SSUH2: variants seen among roughly 807,000 people sequenced by gnomAD.
The protein encoded by SSUH2 is protein SSUH2 homolog.
SSUH2 carries 47 observed loss-of-function variants against 55.3 expected under a neutral mutation model. The ratio of observed to expected loss-of-function variants is 0.85; its 90% CI spans 0.67 to 1.08. The LOEUF (loss-of-function observed/expected upper bound fraction) is 1.08. SSUH2 is among the 50% of genes least tolerant of loss of function. SSUH2 has a pLI of 0.00. For missense variants in SSUH2, 535 were observed against 490.7 expected (o/e 1.09, Z -0.85); for synonymous variants, 212 against 191.5 (o/e 1.11, Z -0.89).
At chr3:8,677,788 C>T (rs1048316194) in intron 2 of SSUH2, among the ~76,000 whole-genome samples, 4 of 150,570 alleles carry the variant, frequency 2.7e-5, no homozygotes, top group African/African-American at 4.9e-5. Flanking sequence ...AACATAAAGG[C>T]CCCCCATGCT....
At chr3:8,635,591 G>A (rs1300422030) in intron 2 of SSUH2, among the ~76,000 whole-genome samples, 168 bp downstream of exon 2, 1 of 152,222 alleles carries the variant, frequency 6.6e-6, no homozygotes, top group African/African-American at 2.4e-5. Flanking sequence ...TAGACAGAAG[G>A]CCTATGCCCC....
At chr3:8,625,719 CA>C in intron 9 of SSUH2, 72 bp from the exon 10 acceptor site, 1 of 1,083,458 alleles carries the variant, frequency 9.2e-7, no homozygotes, top group Non-Finnish European at 1.4e-6. Context: ...TGCAATCAGA[CA>C]GACCTGGGGT....
intron 10 of SSUH2, 149 bp from the exon 11 acceptor site, chr3:8,623,805 C>T: frequency 1.8e-6 from 1 of 568,518 alleles, no homozygotes; most frequent in Non-Finnish European, 3.1e-6. Flanking sequence ...ATTTCAAAAA[C>T]AGGAAAACAG....
Position 8,626,294 on chromosome 3 carries a change from G to A in SSUH2, c.702C>T (p.Asn234=). ...RRCSTCSGRG[N]KTCATCKGEK... is the part of the protein sequence containing the mutation. Reference sequence around the variant, plus strand: ...CCCCCTTGCAGGTGGCGCAGGTCTTGTTCCCTCTCCCTGAGCAAGTGCTGC... The same window carrying A: ...CCCCCTTGCAGGTGGCGCAGGTCTTATTCCCTCTCCCTGAGCAAGTGCTGC... Residue 234 remains asparagine (N), a synonymous_variant, in exon 9 of 12, where the codon AAC becomes AAT. Transcript: ENST00000544814. 1 of 1,614,106 alleles carries A rather than the reference G, an allele frequency of 6.2e-7. No homozygotes were observed. The highest frequency in any genetic ancestry group is 1.1e-5 in the South Asian group (1 of 91,058).
intron 7 of SSUH2, among the ~76,000 whole-genome samples, chr3:8,628,998 G>A (rs1316213962): frequency 1.3e-5 from 2 of 152,206 alleles, no homozygotes; most frequent in African/African-American, 2.4e-5. Context: ...TGGGACTACA[G>A]GCGCCCGCCA....
At chr3:8,650,895 G>T (rs528206235) in intron 7 of SSUH2, among the ~76,000 whole-genome samples, 2 of 152,198 alleles carry the variant, frequency 1.3e-5, no homozygotes, top group African/African-American at 4.8e-5. Context: ...CTGTGGTTCC[G>T]GCTGCTGTCC....
intron 11 of SSUH2, among the ~76,000 whole-genome samples, chr3:8,622,035 G>A (rs899052599): frequency 2.0e-5 from 3 of 151,680 alleles, no homozygotes; most frequent in Non-Finnish European, 4.4e-5. Flanking sequence ...TGGTCATCAC[G>A]TAATTGGCTG....
rs1384693370 is a variant in SSUH2, at chr3:8,679,140, C to G, written c.-901+565G>C. On this transcript the variant is annotated intron_variant, in intron 2 of 18. Coordinates refer to the SSUH2 transcript ENST00000317371. ...GGACCCAAATTGCGGGGGGGAGGCA[C>G]CCCCGCGAGGCGGGGACTGAGAGGC... is the stretch of plus-strand genomic sequence containing the variant. Among the ~76,000 whole-genome samples the G allele has an allele frequency of 4.6e-4, 43 of 94,412 alleles. 15 individuals carry two copies. Among genetic ancestry groups the G allele is most frequent in the Admixed American group, 1.6e-3 (16 of 10,134 alleles). 61.9% of individuals were successfully genotyped at this position (94,412 alleles called of 152,430 possible).
chr3:8,623,570 G>C lies in SSUH2; in HGVS notation c.960C>G (p.Ser320=). 1 of 1,550,768 alleles carries C rather than the reference G, an allele frequency of 6.4e-7. No individual in the cohort carries two copies. Residue 320 remains serine (S), a synonymous_variant, in exon 11 of 12, where the codon TCC becomes TCG. Coordinates refer to ENST00000544814, the MANE Select transcript of SSUH2 (RefSeq NM_001256748.3). ...GIAEHSAALA[S]RARVLQQRQT... is the part of the protein sequence containing the mutation. ...TCACCTGCTGCAGGACGCGGGCACG[G>C]GAGGCCAAGGCAGCGCTGTGCTCTG... is the stretch of plus-strand genomic sequence containing the variant.
chr3:8,638,145 C>T (rs974874464), intron 1 of SSUH2, among the ~76,000 whole-genome samples: 1 of 152,116 alleles, frequency 6.6e-6, no homozygotes, highest in African/African-American at 2.4e-5. Context: ...GAAACCTGAG[C>T]CTTTCTGGGG....
rs1705718966 is a variant in SSUH2 at position 8,679,053 on chromosome 3, GA to G, written c.-901+651del. ...GGCTCTTAGGACACCAAACGCAGGG[GA>G]GGAAGCACCCCCCGCGAGGCGGGGA... On this transcript the variant is annotated intron_variant, in intron 2 of 18. Coordinates refer to the SSUH2 transcript ENST00000317371. Among the ~76,000 whole-genome samples, 3 of 110,002 alleles carry G rather than the reference GA, an allele frequency of 2.7e-5. 1 individual carries two copies. The highest frequency in any genetic ancestry group is 6.3e-4 in the South Asian group (2 of 3,184). The allele number at this position is 110,002 out of a possible 152,430, so 72.2% of individuals were successfully genotyped here. A position where few individuals can be genotyped will look rare whatever the true frequency, so the allele number is the denominator to read the frequency against.
At chr3:8,661,039 C>T (rs1325582158) in intron 6 of SSUH2, among the ~76,000 whole-genome samples, 1 of 152,242 alleles carries the variant, frequency 6.6e-6, no homozygotes, top group Non-Finnish European at 1.5e-5. Context: ...TGAAGCTGTC[C>T]AGCCCAGCTG....
chr3:8,655,766 T>C (rs1702875615), intron 7 of SSUH2, among the ~76,000 whole-genome samples: 1 of 152,192 alleles, frequency 6.6e-6, no homozygotes, highest in Non-Finnish European at 1.5e-5. Context: ...AGAAAACTGA[T>C]AACACAGCCC....
chr3:8,628,858 T>C (rs563296909), intron 7 of SSUH2, among the ~76,000 whole-genome samples: 3 of 152,272 alleles, frequency 2.0e-5, no homozygotes, highest in East Asian at 3.9e-4. Flanking sequence ...TGCTGTTGTT[T>C]GTTTTTTGTT....
Position 8,632,290 on chromosome 3 carries a change from C to T in SSUH2, c.340-181G>A, listed in dbSNP as rs118104364. Among the ~76,000 whole-genome samples, 40 of 152,340 alleles carry T rather than the reference C, an allele frequency of 2.6e-4. No homozygotes were observed. In the East Asian group the frequency reaches 7.5e-3, roughly 29 times the overall value. On this transcript the variant is annotated intron_variant, in intron 4 of 11. Coordinates refer to ENST00000544814, the MANE Select transcript of SSUH2 (RefSeq NM_001256748.3). ...ATTTCTGTTCCACGTGCCCCCATGTCTGCAGGGAAGTCAGCCAGCCCCAGG... is the reference window on the plus strand; with the variant it reads ...ATTTCTGTTCCACGTGCCCCCATGTTTGCAGGGAAGTCAGCCAGCCCCAGG...
At chr3:8,669,382 T>G (rs936467862) in intron 5 of SSUH2, among the ~76,000 whole-genome samples, 5 of 152,136 alleles carry the variant, frequency 3.3e-5, no homozygotes, top group South Asian at 2.1e-4. Flanking sequence ...AACAGAAGAA[T>G]TCCAGTTAAC....
At chr3:8,631,069 G>A in intron 5 of SSUH2, 140 bp from the exon 6 acceptor site, 1 of 895,398 alleles carries the variant, frequency 1.1e-6, no homozygotes, top group South Asian at 5.4e-5. Context: ...GATAGTCAAG[G>A]CCTTCCTTGG....
In SSUH2 at chr3:8,678,665, G is replaced by A. The variant is rs142305283; in HGVS notation, c.-901+1040C>T. Reference sequence around the variant, plus strand: ...ATCGCAGTGGGGGGAGGCACCCCCCGCGAGGCGGGGATTGAGAGCCAGCCA... The same window carrying A: ...ATCGCAGTGGGGGGAGGCACCCCCCACGAGGCGGGGATTGAGAGCCAGCCA... On this transcript the variant is annotated intron_variant, in intron 2 of 18. Transcript: ENST00000317371. 0.012 allele frequency among the ~76,000 whole-genome samples: 439 copies of A among 35,986 alleles called. 157 individuals are homozygous for A. The East Asian group carries it at 0.51, about 42-fold the overall frequency. The allele number at this position is 35,986 out of a possible 152,430, so 23.6% of individuals were successfully genotyped here.
chr3:8,640,217 A>G (rs1362300434), intron 1 of SSUH2: 1 of 155,102 alleles, frequency 6.4e-6, no homozygotes, highest in Non-Finnish European at 1.4e-5. Flanking sequence ...AATGGCTAAG[A>G]TGGCAAATTT....
Sources: gnomAD v4.1 joint callset for allele counts (sites outside exome capture counted in the v4.1 genomes callset) on GRCh38, gnomAD v4.1.1 for gene constraint, MANE v1.5 for transcripts, NCBI Gene and HGNC (gene_info 2026-07-23, HGNC 2026-07-21) for gene names.